PRKCE: variants seen among roughly 807,000 people sequenced by gnomAD.
The protein encoded by PRKCE is protein kinase C epsilon type.
A neutral mutation model predicts 85.4 loss-of-function variants in PRKCE; 16 were observed. The ratio of observed to expected loss-of-function variants is 0.19; its 90% confidence interval spans 0.13 to 0.28. The LOEUF (loss-of-function observed/expected upper bound fraction) is 0.28, where lower values mean the gene tolerates loss of function less well. Among genes scored for constraint, PRKCE ranks in the 10% least tolerant of loss-of-function variants. PRKCE has a pLI of 1.00. For synonymous variants in PRKCE, 388 were observed against 371.5 expected (o/e 1.04, Z -0.51); for missense variants, 573 against 975.2 (o/e 0.59, Z 5.49).
chr2:46,072,075 C>T (rs1298781246), intron 10 of PRKCE, among the ~76,000 whole-genome samples: 1 of 152,200 alleles, frequency 6.6e-6, no homozygotes, highest in Non-Finnish European at 1.5e-5. Flanking sequence ...GTTTATCTCA[C>T]CACACTGCTC....
intron 10 of PRKCE, among the ~76,000 whole-genome samples, chr2:46,018,663 A>C (rs928966960): frequency 1.3e-5 from 2 of 152,236 alleles, no homozygotes; most frequent in African/African-American, 4.8e-5. Flanking sequence ...AGAACAATTC[A>C]CATGACTACT....
chr2:45,828,095 A>C (rs141141102), intron 1 of PRKCE, among the ~76,000 whole-genome samples: 13 of 152,358 alleles, frequency 8.5e-5, no homozygotes, highest in African/African-American at 2.6e-4. Context: ...TTCCTGATCA[A>C]TGAAGTCTGC....
At chr2:46,171,624 C>T (rs1678910457) in intron 14 of PRKCE, among the ~76,000 whole-genome samples, 1 of 152,210 alleles carries the variant, frequency 6.6e-6, no homozygotes, top group Non-Finnish European at 1.5e-5. Context: ...CGTCTAATGC[C>T]TCCGAGCCCA....
chr2:45,902,581 T>G (rs1696659319), intron 2 of PRKCE, among the ~76,000 whole-genome samples: 1 of 152,116 alleles, frequency 6.6e-6, no homozygotes, highest in African/African-American at 2.4e-5. Context: ...AGGAACTGGC[T>G]GGAGTGGGCA....
chr2:45,929,383 T>A (rs1698866368), intron 2 of PRKCE, among the ~76,000 whole-genome samples: 1 of 152,232 alleles, frequency 6.6e-6, no homozygotes, highest in Non-Finnish European at 1.5e-5. Flanking sequence ...AATTTTACTC[T>A]TGTGCGTACT....
chr2:45,909,455 A>T (rs897623244), intron 2 of PRKCE, among the ~76,000 whole-genome samples: 3 of 152,230 alleles, frequency 2.0e-5, no homozygotes, highest in Non-Finnish European at 2.9e-5. Flanking sequence ...GGAAGTTGTT[A>T]AGGGGTGGCC....
intron 2 of PRKCE, among the ~76,000 whole-genome samples, chr2:45,878,919 A>G (rs546244831): frequency 9.1e-4 from 139 of 152,278 alleles, no homozygotes; most frequent in Middle Eastern, 3.4e-3. Flanking sequence ...GGATTTGCCT[A>G]TTGTAGACAT....
intron 10 of PRKCE, among the ~76,000 whole-genome samples, chr2:46,079,866 AAC>A (rs1265478359): frequency 6.6e-6 from 1 of 152,232 alleles, no homozygotes; most frequent in African/African-American, 2.4e-5. Flanking sequence ...GGGAATTTCA[AAC>A]ACACGATGTG....
chr2:46,160,364 G>T (rs1164225700), intron 14 of PRKCE, among the ~76,000 whole-genome samples: 1 of 152,226 alleles, frequency 6.6e-6, no homozygotes, highest in Non-Finnish European at 1.5e-5. Context: ...GTAACACAGG[G>T]CAGTTGAAGC....
At chr2:45,780,759 A>G (rs1279139775) in intron 1 of PRKCE, among the ~76,000 whole-genome samples, 2 of 152,182 alleles carry the variant, frequency 1.3e-5, no homozygotes, top group African/African-American at 4.8e-5. Flanking sequence ...TGTTCTCATG[A>G]TGAGTGGAAG....
chr2:45,885,867 C>A (rs1315155835), intron 2 of PRKCE, among the ~76,000 whole-genome samples: 4 of 152,186 alleles, frequency 2.6e-5, no homozygotes, highest in African/African-American at 9.7e-5. Flanking sequence ...AAAGCAAAAT[C>A]TTATTTTAAG....
intron 11 of PRKCE, among the ~76,000 whole-genome samples, chr2:46,092,958 TAAAGCTCTAATACA>T (rs1206359384): frequency 5.3e-5 from 8 of 152,176 alleles, no homozygotes; most frequent in Non-Finnish European, 1.2e-4. Context: ...TCAAGTTATT[TAAAGCTCTAATACA>T]AAGAAAGGGA....
At chr2:45,991,099 T>C (rs1185154549) in intron 6 of PRKCE, among the ~76,000 whole-genome samples, 2 of 151,944 alleles carry the variant, frequency 1.3e-5, no homozygotes, top group Non-Finnish European at 1.5e-5. Flanking sequence ...CTCTGCCTCC[T>C]GGGTTCAAGT....
chr2:45,670,397 A>G (rs1026637955), intron 1 of PRKCE, among the ~76,000 whole-genome samples: 1 of 152,238 alleles, frequency 6.6e-6, no homozygotes, highest in Non-Finnish European at 1.5e-5. Flanking sequence ...GATGAAATCA[A>G]TTGCGTGGAT....
chr2:45,828,259 C>T (rs990497800), intron 1 of PRKCE, among the ~76,000 whole-genome samples: 1 of 152,196 alleles, frequency 6.6e-6, no homozygotes, highest in Non-Finnish European at 1.5e-5. Flanking sequence ...GATTAAAAAT[C>T]TGTTGAAAAC....
chr2:46,093,923 A>G (rs1005842734), intron 11 of PRKCE, among the ~76,000 whole-genome samples: 1 of 152,180 alleles, frequency 6.6e-6, no homozygotes, highest in Admixed American at 6.5e-5. Context: ...GAATTCAGTT[A>G]TGTGGTATGC....
At chr2:45,768,788 A>C (rs1685101573) in intron 1 of PRKCE, among the ~76,000 whole-genome samples, 2 of 152,238 alleles carry the variant, frequency 1.3e-5, no homozygotes, top group Non-Finnish European at 2.9e-5. Flanking sequence ...AGTCTTTACC[A>C]TGCAGCTTAA....
Position 45,655,476 on chromosome 2 carries a change from C to T in PRKCE, c.348+3028C>T, listed in dbSNP as rs372485906. ...AAAGTTGGACACCCTGATGTAGACACTTAACTAGCAATTAGGTTCCACACA... is the reference window on the plus strand; with the variant it reads ...AAAGTTGGACACCCTGATGTAGACATTTAACTAGCAATTAGGTTCCACACA... On this transcript the variant is annotated intron_variant, in intron 1 of 14. Coordinates refer to ENST00000306156, the MANE Select transcript of PRKCE (RefSeq NM_005400.3). Among the ~76,000 whole-genome samples the T allele has an allele frequency of 2.6e-5, 4 of 152,126 alleles. 1 individual carries two copies. The highest frequency in any genetic ancestry group is 9.6e-5 in the African/African-American group (4 of 41,486).
intron 1 of PRKCE, among the ~76,000 whole-genome samples, chr2:45,790,827 C>G (rs1311964638): frequency 6.6e-6 from 1 of 152,196 alleles, no homozygotes; most frequent in Non-Finnish European, 1.5e-5. Flanking sequence ...GCTGTTGATT[C>G]TCTAACAAGT....
Sources: gnomAD v4.1 joint callset for allele counts (sites outside exome capture counted in the v4.1 genomes callset) on GRCh38, gnomAD v4.1.1 for gene constraint, MANE v1.5 for transcripts, NCBI Gene and HGNC (gene_info 2026-07-23, HGNC 2026-07-21) for gene names.